Variants in RWDD1 observed in about 807,000 individuals in gnomAD.
The protein encoded by RWDD1 is RWD domain-containing protein 1.
A neutral mutation model predicts 31.6 loss-of-function variants in RWDD1; 17 were observed. The observed-to-expected ratio is 0.54, with a 90% CI of 0.37 to 0.81. RWDD1 has a LOEUF of 0.81. Among genes scored for constraint, RWDD1 ranks in the 30% least tolerant of loss-of-function variants. The probability of loss-of-function intolerance (pLI) is 0.00; values close to 1 mark genes in which losing one functional copy is unlikely to be tolerated. For synonymous variants in RWDD1, 78 were observed against 94.2 expected (o/e 0.83, Z 0.99); for missense variants, 204 against 274.5 (o/e 0.74, Z 1.82).
intron 1 of RWDD1, chr6:116,572,538 C>A: frequency 6.6e-6 from 1 of 152,116 alleles, no homozygotes; most frequent in East Asian, 1.9e-4. Context: ...ATTTAGAGGA[C>A]GAGATTTCTC....
Position 116,590,287 on chromosome 6 carries a change from A to G in RWDD1, c.430A>G (p.Thr144Ala). 1 of 1,568,710 alleles carries G rather than the reference A, an allele frequency of 6.4e-7. No individual in the cohort carries two copies. Among genetic ancestry groups the G allele is most frequent in the Non-Finnish European group, 8.6e-7 (1 of 1,158,070 alleles). The change falls in exon 5 of 7, where the codon ACT becomes GCT. Residue 144 changes from threonine to alanine, a missense_variant. Transcript: ENST00000466444. ...ATTTCCTAAGCAATTATTCCATGGT[A>G]CTCCAGTTACAATTGAGAATTTCTT... Reference protein sequence around the residue: ...EEAEKQLFHGTPVTIENFLNW... With the variant: ...EEAEKQLFHGAPVTIENFLNW...
At chr6:116,577,663 T>A (rs886068255) in intron 1 of RWDD1, among the ~76,000 whole-genome samples, 3 of 152,104 alleles carry the variant, frequency 2.0e-5, no homozygotes, top group African/African-American at 7.2e-5. Context: ...GCTATTCCCA[T>A]TGCTGCCGAC....
chr6:116,579,844 T>C (rs1053573241), intron 1 of RWDD1, among the ~76,000 whole-genome samples: 3 of 152,202 alleles, frequency 2.0e-5, no homozygotes, highest in Non-Finnish European at 4.4e-5. Context: ...AACAAATCGG[T>C]ATTTACTGTT....
rs900317959 is a variant in RWDD1 at position 116,596,209 on chromosome 6, A to G, written c.*3108A>G. On this transcript the variant is annotated 3_prime_UTR_variant, in exon 7 of 7. Coordinates refer to ENST00000466444, the MANE Select transcript of RWDD1 (RefSeq NM_015952.4). ...GGAGCCATTGTATGATTGTGTGTCA[A>G]AATGAGAGTCACACACTTCAAGAAC... The G allele has an allele frequency of 6.6e-6, 1 of 152,272 alleles. No homozygotes were observed. Among genetic ancestry groups the G allele is most frequent in the Non-Finnish European group, 1.5e-5 (1 of 68,044 alleles). 9.4% of individuals were successfully genotyped at this position (152,272 alleles called of 1,614,324 possible). A position where few individuals can be genotyped will look rare whatever the true frequency, so the allele number is the denominator to read the frequency against.
chr6:116,591,087 C>G (rs952808422), intron 6 of RWDD1, 137 bp downstream of exon 6: 17 of 1,175,988 alleles, frequency 1.4e-5, no homozygotes, highest in Non-Finnish European at 1.9e-5. Flanking sequence ...ATAGTGAGAC[C>G]CTGACTCTAT....
intron 1 of RWDD1, chr6:116,574,077 A>C (rs1467001263): frequency 3.0e-6 from 2 of 672,276 alleles, no homozygotes; most frequent in Admixed American, 6.3e-5. Context: ...ACATTGATCC[A>C]ACCCTCCTAA....
chr6:116,596,048 A>G lies in RWDD1; in HGVS notation c.*2947A>G, dbSNP rs1775234988. On this transcript the variant is annotated 3_prime_UTR_variant, in exon 7 of 7. Coordinates refer to ENST00000466444, the MANE Select transcript of RWDD1 (RefSeq NM_015952.4). ...TGCACTCTTGTATTCCAGAAAGAAG[A>G]TGATTTGTAAGTGTTCAGTATTTGT... The G allele has an allele frequency of 6.6e-6, 1 of 152,242 alleles. No individual in the cohort carries two copies. The highest frequency in any genetic ancestry group is 6.5e-5 in the Admixed American group (1 of 15,286). 9.4% of individuals were successfully genotyped at this position (152,242 alleles called of 1,614,324 possible). A position where few individuals can be genotyped will look rare whatever the true frequency, so the allele number is the denominator to read the frequency against.
chr6:116,590,432 T>TA, intron 5 of RWDD1, 28 bp downstream of exon 5: 2 of 1,547,634 alleles, frequency 1.3e-6, no homozygotes, highest in Non-Finnish European at 1.7e-6. Flanking sequence ...TTCCTGTTCT[T>TA]CCTAAACCCT....
chr6:116,591,098 TAAA>T (rs368922935), intron 6 of RWDD1, 148 bp downstream of exon 6: 187 of 810,434 alleles, frequency 2.3e-4, no homozygotes, highest in South Asian at 2.8e-4. Context: ...CTGACTCTAT[TAAA>T]AAAAAAAAAA....
rs182222868 is a variant in RWDD1 at position 116,574,976 on chromosome 6, C to T, written c.73+3321C>T. On this transcript the variant is annotated intron_variant, in intron 1 of 6. Coordinates refer to ENST00000466444, the MANE Select transcript of RWDD1 (RefSeq NM_015952.4). ...TAACAGCAGAGGTCTTGCTTTGTTGCCCAGGTTAGTCTCAAACTCTTGGCC... is the reference window on the plus strand; with the variant it reads ...TAACAGCAGAGGTCTTGCTTTGTTGTCCAGGTTAGTCTCAAACTCTTGGCC... 2.1e-4 allele frequency among the ~76,000 whole-genome samples: 32 copies of T among 151,900 alleles called. No homozygotes were observed. In the East Asian group the frequency reaches 6.2e-3, roughly 29 times the overall value.
At chr6:116,585,048 TC>T (rs1260545460) in intron 3 of RWDD1, among the ~76,000 whole-genome samples, 191 bp downstream of exon 3, 1 of 152,192 alleles carries the variant, frequency 6.6e-6, no homozygotes, top group Non-Finnish European at 1.5e-5. Context: ...ATAGAATTTG[TC>T]CCAGTGCCCC....
intron 1 of RWDD1, 49 bp downstream of exon 1, chr6:116,571,704 CG>C: frequency 6.5e-7 from 1 of 1,550,152 alleles, no homozygotes; most frequent in Non-Finnish European, 8.8e-7. Context: ...TGGAGTAGGA[CG>C]GGCAGGAGCT....
rs1286416632 is a variant in RWDD1 at position 116,584,996 on chromosome 6, A to G, written c.270+139A>G. On this transcript the variant is annotated intron_variant, in intron 3 of 6. Coordinates refer to ENST00000466444, the MANE Select transcript of RWDD1 (RefSeq NM_015952.4). ...AATTCATGTTACATAATCACAGAGC[A>G]TCTTTATTTTTGTTTCCTACTGTCC... The G allele has an allele frequency of 2.1e-5, 15 of 709,018 alleles. No individual in the cohort carries two copies. The East Asian group carries it at 3.9e-4, about 19-fold the overall frequency. The allele number at this position is 709,018 out of a possible 1,614,324, so 43.9% of individuals were successfully genotyped here. A position where few individuals can be genotyped will look rare whatever the true frequency, so the allele number is the denominator to read the frequency against.
chr6:116,586,083 A>G (rs1006496806), intron 3 of RWDD1, among the ~76,000 whole-genome samples: 3 of 152,156 alleles, frequency 2.0e-5, no homozygotes, highest in African/African-American at 7.2e-5. Context: ...TTTTGTTTGT[A>G]CTCAAACTGT....
intron 1 of RWDD1, among the ~76,000 whole-genome samples, chr6:116,577,743 C>T (rs779143862): frequency 1.3e-5 from 2 of 151,974 alleles, no homozygotes; most frequent in African/African-American, 2.4e-5. Flanking sequence ...TGCCTGTAGT[C>T]GTCTCCCTCC....
At chr6:116,589,508 A>G (rs1775101719) in intron 4 of RWDD1, among the ~76,000 whole-genome samples, 1 of 152,182 alleles carries the variant, frequency 6.6e-6, no homozygotes. Flanking sequence ...ACTACAGTGA[A>G]TTAAATAGTT....
chr6:116,591,781 T>A (rs184195125), intron 6 of RWDD1, among the ~76,000 whole-genome samples: 9 of 152,392 alleles, frequency 5.9e-5, no homozygotes, highest in African/African-American at 2.2e-4. Flanking sequence ...GTTGTATCTG[T>A]CTTGCCAGTT....
At chr6:116,590,842 A>G in intron 5 of RWDD1, 46 bp from the exon 6 acceptor site, 1 of 1,541,004 alleles carries the variant, frequency 6.5e-7, no homozygotes, top group Non-Finnish European at 8.7e-7. Flanking sequence ...GAAAATGGAG[A>G]AAAACTATGC....
At chr6:116,592,047 T>C (rs1775153647) in intron 6 of RWDD1, among the ~76,000 whole-genome samples, 1 of 152,248 alleles carries the variant, frequency 6.6e-6, no homozygotes, top group South Asian at 2.1e-4. Flanking sequence ...CCATTACCTA[T>C]TCTATAGTCA....
Sources: allele counts gnomAD v4.1 joint callset (sites outside exome capture counted in the v4.1 genomes callset), GRCh38; gene constraint gnomAD v4.1.1; transcripts MANE v1.5; gene names NCBI Gene and HGNC (gene_info 2026-07-23, HGNC 2026-07-21).